The following RNF144A variants were observed in gnomAD, a reference collection of about 807,000 sequenced individuals.
The protein encoded by RNF144A is E3 ubiquitin-protein ligase RNF144A.
RNF144A carries 11 observed loss-of-function variants against 38.7 expected under a neutral mutation model. That is an observed-to-expected ratio of 0.28 (90% CI 0.18 to 0.47). RNF144A has a LOEUF of 0.47. RNF144A is among the 20% of genes least tolerant of loss of function. RNF144A has a pLI of 0.99. For synonymous variants in RNF144A, 149 were observed against 143.9 expected (o/e 1.04, Z -0.25); for missense variants, 316 against 377.2 (o/e 0.84, Z 1.34).
At chr2:6,983,749 C>T (rs1482455278) in intron 2 of RNF144A, among the ~76,000 whole-genome samples, 2 of 152,074 alleles carry the variant, frequency 1.3e-5, no homozygotes, top group Admixed American at 6.5e-5. Context: ...CAGGGGGACT[C>T]GGTGTTCCCA....
chr2:7,043,703 T>G lies in RNF144A; in HGVS notation c.*3943T>G. On this transcript the variant is annotated 3_prime_UTR_variant, in exon 9 of 9. Coordinates refer to ENST00000320892, the MANE Select transcript of RNF144A (RefSeq NM_014746.6). ...TTCACAACTAGGAGAGCATGCCGTC[T>G]TGATGTTTAAAAAACCCAGGGTCTC... 1.0e-6 allele frequency: 1 copy of G among 985,902 alleles called. No homozygotes were observed. The highest frequency in any genetic ancestry group is 1.2e-6 in the Non-Finnish European group (1 of 829,936). 61.1% of individuals were successfully genotyped at this position (985,902 alleles called of 1,614,324 possible).
intron 2 of RNF144A, among the ~76,000 whole-genome samples, chr2:6,993,095 G>C (rs1488020836): frequency 2.6e-5 from 4 of 152,184 alleles, no homozygotes; most frequent in African/African-American, 7.2e-5. Flanking sequence ...AGGCCATCCT[G>C]TGTGTAGGGA....
At chr2:7,030,969 C>T (rs1266134761) in intron 8 of RNF144A, among the ~76,000 whole-genome samples, 2 of 152,088 alleles carry the variant, frequency 1.3e-5, no homozygotes, top group East Asian at 1.9e-4. Context: ...CAGTTCACAA[C>T]AGGGTTCGTG....
chr2:7,014,659 T>C, intron 4 of RNF144A, 53 bp from the exon 5 acceptor site: 1 of 1,554,184 alleles, frequency 6.4e-7, no homozygotes, highest in Admixed American at 1.7e-5. Flanking sequence ...CGTTGCATTA[T>C]ATTCTAGCCC....
At chr2:7,031,515 G>T (rs1352502296) in intron 8 of RNF144A, among the ~76,000 whole-genome samples, 1 of 152,230 alleles carries the variant, frequency 6.6e-6, no homozygotes, top group South Asian at 2.1e-4. Flanking sequence ...TGCTGGGTGA[G>T]TGGGAAGCTG....
At chr2:6,926,646 C>A (rs1337550561) in intron 1 of RNF144A, among the ~76,000 whole-genome samples, 1 of 152,174 alleles carries the variant, frequency 6.6e-6, no homozygotes, top group Non-Finnish European at 1.5e-5. Flanking sequence ...TGTCTTTGTA[C>A]CCCTCTAGCA....
At chr2:6,975,325 G>A (rs117722989) in intron 2 of RNF144A, among the ~76,000 whole-genome samples, 54 of 152,194 alleles carry the variant, frequency 3.5e-4, no homozygotes, top group East Asian at 3.3e-3. Flanking sequence ...GCTTCCCACC[G>A]GGTCCTTCCC....
At position 6,992,302 on chromosome 2, in the gene RNF144A, G is replaced by T. The variant is rs559469300; in HGVS notation, c.-11-4614G>T. Among the ~76,000 whole-genome samples the T allele has an allele frequency of 3.9e-4, 59 of 152,328 alleles. No homozygotes were observed. In the South Asian group the frequency reaches 7.5e-3, roughly 19 times the overall value. On this transcript the variant is annotated intron_variant, in intron 2 of 8. Transcript: ENST00000320892. ...TTTCTGTTTTAATGAGTCGGGGTTGGAGCCCAACCAGTTACATTCCAGCAA... is the reference window on the plus strand; with the variant it reads ...TTTCTGTTTTAATGAGTCGGGGTTGTAGCCCAACCAGTTACATTCCAGCAA...
intron 6 of RNF144A, 31 bp from the exon 7 acceptor site, chr2:7,024,338 G>A (rs895661318): frequency 1.9e-6 from 3 of 1,576,596 alleles, no homozygotes; most frequent in African/African-American, 2.7e-5. Flanking sequence ...GGATCCGTTT[G>A]TGCAGAGTCC....
chr2:6,971,706 T>G (rs1045418776), intron 2 of RNF144A, among the ~76,000 whole-genome samples: 3 of 152,160 alleles, frequency 2.0e-5, no homozygotes, highest in Non-Finnish European at 4.4e-5. Context: ...TGTATCTGAG[T>G]GACATCAGAT....
chr2:7,030,029 C>A, intron 7 of RNF144A, 97 bp from the exon 8 acceptor site: 2 of 738,624 alleles, frequency 2.7e-6, no homozygotes, highest in Non-Finnish European at 4.6e-6. Flanking sequence ...CTCCACTTAT[C>A]ATGAGCATAG....
chr2:7,014,134 C>G (rs187214337), intron 3 of RNF144A, among the ~76,000 whole-genome samples: 406 of 152,338 alleles, frequency 2.7e-3, no homozygotes, highest in African/African-American at 9.2e-3. Flanking sequence ...AATATTACCT[C>G]CCAGCCTCCC....
chr2:6,979,168 T>A (rs2103359274), intron 2 of RNF144A, among the ~76,000 whole-genome samples: 1 of 152,288 alleles, frequency 6.6e-6, no homozygotes, highest in Middle Eastern at 3.4e-3. Flanking sequence ...GACAGAGATG[T>A]CTCTTCTGAA....
intron 5 of RNF144A, among the ~76,000 whole-genome samples, chr2:7,018,745 G>A (rs997672624): frequency 1.3e-5 from 2 of 152,248 alleles, no homozygotes; most frequent in Admixed American, 6.5e-5. Context: ...GGAGCATCCT[G>A]GGGATTTTAG....
chr2:7,061,362 A>G (rs1018682825), intron 6 of RNF144A, among the ~76,000 whole-genome samples: 5 of 152,192 alleles, frequency 3.3e-5, no homozygotes, highest in African/African-American at 1.2e-4. Context: ...CTGAATATTT[A>G]TGAATGTTCC....
At chr2:6,964,533 T>C (rs372941945) in intron 2 of RNF144A, among the ~76,000 whole-genome samples, 2 of 152,180 alleles carry the variant, frequency 1.3e-5, no homozygotes, top group African/African-American at 2.4e-5. Context: ...ATGTTTATTG[T>C]GGCACTATTC....
chr2:7,056,583 C>T (rs1409111777), intron 6 of RNF144A, among the ~76,000 whole-genome samples: 1 of 152,152 alleles, frequency 6.6e-6, no homozygotes, highest in Non-Finnish European at 1.5e-5. Context: ...CTAGGTCATT[C>T]CAGTTATGGT....
rs529932204 is a variant in RNF144A, at chr2:7,017,476, C to T, written c.301+2704C>T. 1.4e-3 allele frequency among the ~76,000 whole-genome samples: 209 copies of T among 152,272 alleles called. 1 individual carries two copies. The highest frequency in any genetic ancestry group is 4.1e-3 in the African/African-American group (169 of 41,562). On this transcript the variant is annotated intron_variant, in intron 5 of 8. Transcript: ENST00000320892. ...AGCCCTGCACCAGGCACCAGCCCGCCGGGCAGGGTAGTAAGTGCAGGGATG... is the reference window on the plus strand; with the variant it reads ...AGCCCTGCACCAGGCACCAGCCCGCTGGGCAGGGTAGTAAGTGCAGGGATG...
intron 2 of RNF144A, among the ~76,000 whole-genome samples, chr2:6,977,333 T>A (rs143151554): frequency 0.012 from 1,771 of 152,354 alleles, 12 homozygotes; most frequent in Non-Finnish European, 0.017. Flanking sequence ...AAGGGAAAGT[T>A]GCGTATGCCT....
Sources: gnomAD v4.1 joint callset for allele counts (sites outside exome capture counted in the v4.1 genomes callset) on GRCh38, gnomAD v4.1.1 for gene constraint, MANE v1.5 for transcripts, NCBI Gene and HGNC (gene_info 2026-07-23, HGNC 2026-07-21) for gene names.